Variants in SNX29 observed in about 807,000 individuals in gnomAD.
SNX29 encodes sorting nexin-29.
SNX29 carries 78 observed loss-of-function variants against 102.1 expected under a neutral mutation model. The observed-to-expected ratio is 0.76, with a 90% CI of 0.64 to 0.92. The LOEUF is 0.92. SNX29 is among the 40% of genes least tolerant of loss of function. SNX29 has a pLI of 0.00. For missense variants in SNX29, 1,280 were observed against 1,061.7 expected (o/e 1.21, Z -2.86); for synonymous variants, 580 against 414.5 (o/e 1.40, Z -4.85).
Position 12,209,184 on chromosome 16 carries a change from TA to T in SNX29, c.1678+9504del, listed in dbSNP as rs2077120777. Among the ~76,000 whole-genome samples the T allele has an allele frequency of 5.9e-5, 9 of 151,440 alleles. No individual in the cohort carries two copies. The South Asian group carries it at 1.9e-3, about 32-fold the overall frequency. ...GTGAAACTCACGGGTTGCAGGGGGG[TA>T]AAGTATAATGTCCTAACTCTGTGAC... On this transcript the variant is annotated intron_variant, in intron 14 of 20. Transcript: ENST00000566228.
chr16:12,129,470 T>G (rs987113766), intron 12 of SNX29, among the ~76,000 whole-genome samples, 160 bp from the exon 13 acceptor site: 1 of 152,246 alleles, frequency 6.6e-6, no homozygotes, highest in Admixed American at 6.5e-5. Flanking sequence ...AATTAGAGTT[T>G]GCTATCTCCA....
chr16:12,479,611 C>T (rs1303030361), intron 19 of SNX29, among the ~76,000 whole-genome samples: 2 of 152,226 alleles, frequency 1.3e-5, no homozygotes, highest in East Asian at 1.9e-4. Context: ...GCAAAGAGTA[C>T]AAGAATTCTT....
At position 12,545,363 on chromosome 16, in the gene SNX29, C is replaced by G. The variant is rs80030681; in HGVS notation, c.2318+20522C>G. On this transcript the variant is annotated intron_variant, in intron 20 of 20. Transcript: ENST00000566228. ...ATAGTTCCAAGTACATACAGAGTGA[C>G]AACCCATTGTCACACAATAGGTGTA... 2.6e-5 allele frequency: 4 copies of G among 152,174 alleles called. No individual in the cohort carries two copies. The East Asian group carries it at 5.8e-4, about 22-fold the overall frequency. 9.4% of individuals were successfully genotyped at this position (152,174 alleles called of 1,614,324 possible).
In SNX29 at chr16:12,288,346, C is replaced by A. The variant is rs969763406; in HGVS notation, c.1782+10310C>A. 2.0e-5 allele frequency among the ~76,000 whole-genome samples: 3 copies of A among 152,030 alleles called. No individual in the cohort carries two copies. The South Asian group carries it at 6.2e-4, about 31-fold the overall frequency. On this transcript the variant is annotated intron_variant, in intron 15 of 20. Coordinates refer to ENST00000566228, the MANE Select transcript of SNX29 (RefSeq NM_032167.5). Reference sequence around the variant, plus strand: ...AATGACTCAAAAGTTAATACTTCCTCTCTAGAAATTTCTGCATAAACGACC... The same window carrying A: ...AATGACTCAAAAGTTAATACTTCCTATCTAGAAATTTCTGCATAAACGACC...
intron 20 of SNX29, among the ~76,000 whole-genome samples, chr16:12,566,344 C>T (rs1223354081): frequency 1.3e-5 from 2 of 152,192 alleles, no homozygotes; most frequent in Non-Finnish European, 2.9e-5. Context: ...ACAGTCACCC[C>T]ACCGACTGCT....
At chr16:12,403,992 A>G (rs2084065030) in intron 18 of SNX29, among the ~76,000 whole-genome samples, 2 of 152,112 alleles carry the variant, frequency 1.3e-5, no homozygotes, top group African/African-American at 4.8e-5. Flanking sequence ...GGCGGGTCTC[A>G]CTGGTGTGTC....
intron 14 of SNX29, among the ~76,000 whole-genome samples, chr16:12,266,649 C>T (rs928337461): frequency 1.4e-5 from 2 of 146,824 alleles, no homozygotes; most frequent in African/African-American, 5.1e-5. Context: ...TGTCTCTGCC[C>T]ACACTACTGA....
intron 15 of SNX29, among the ~76,000 whole-genome samples, chr16:12,314,456 G>A (rs183171208): frequency 2.0e-5 from 3 of 152,236 alleles, no homozygotes; most frequent in Non-Finnish European, 2.9e-5. Flanking sequence ...CTTCCTAGCC[G>A]TGTGGCCTCA....
At chr16:12,408,451 G>A (rs543420841) in intron 18 of SNX29, among the ~76,000 whole-genome samples, 84 of 152,384 alleles carry the variant, frequency 5.5e-4, no homozygotes, top group African/African-American at 1.3e-3. Context: ...AATAACTTCT[G>A]TGGCCGTCCA....
intron 19 of SNX29, among the ~76,000 whole-genome samples, chr16:12,481,390 A>ATG (rs1193404730): frequency 1.4e-5 from 2 of 147,842 alleles, no homozygotes; most frequent in East Asian, 4.0e-4. Flanking sequence ...ACATATATAT[A>ATG]TATATACACA....
rs975322702 is a variant in SNX29 at position 12,570,038 on chromosome 16, C to G, written c.*1409C>G. 11 of 442,148 alleles carry G rather than the reference C, an allele frequency of 2.5e-5. No homozygotes were observed. Among genetic ancestry groups the G allele is most frequent in the African/African-American group, 4.1e-5 (2 of 49,014 alleles). 27.4% of individuals were successfully genotyped at this position (442,148 alleles called of 1,614,324 possible). A position where few individuals can be genotyped will look rare whatever the true frequency, so the allele number is the denominator to read the frequency against. ...CTGCCCAGGTGAGCATGGAGCATCT[C>G]CTAGGCTCGAGGACATCTCTGGAGA... On this transcript the variant is annotated 3_prime_UTR_variant, in exon 21 of 21. Coordinates refer to ENST00000566228, the MANE Select transcript of SNX29 (RefSeq NM_032167.5).
chr16:12,541,461 C>G (rs1005339313), intron 20 of SNX29, among the ~76,000 whole-genome samples: 13 of 152,166 alleles, frequency 8.5e-5, no homozygotes, highest in African/African-American at 3.1e-4. Flanking sequence ...ACGCTTAGTG[C>G]TTGATGGAGC....
Position 12,574,048 on chromosome 16 carries a change from TG to T in SNX29, c.*5420del, listed in dbSNP as rs1427990367. 7 of 195,424 alleles carry T rather than the reference TG, an allele frequency of 3.6e-5. No homozygotes were observed. The highest frequency in any genetic ancestry group is 9.2e-5 in the African/African-American group (4 of 43,250). The allele number at this position is 195,424 out of a possible 1,614,324, so 12.1% of individuals were successfully genotyped here. On this transcript the variant is annotated 3_prime_UTR_variant, in exon 21 of 21. Transcript: ENST00000566228. ...CATATCTAGAGTCTGATAGTCTGTG[TG>T]TACATAAGGTCTAGAAGTCTGTGGA...
chr16:12,318,372 G>A (rs757387536), intron 15 of SNX29, among the ~76,000 whole-genome samples: 11 of 152,168 alleles, frequency 7.2e-5, no homozygotes, highest in African/African-American at 1.2e-4. Context: ...CTGATGCATC[G>A]TTTGCCGGAT....
intron 14 of SNX29, among the ~76,000 whole-genome samples, chr16:12,259,159 C>A (rs951031585): frequency 2.3e-4 from 35 of 152,154 alleles, no homozygotes; most frequent in African/African-American, 7.5e-4. Context: ...ACATCATCTC[C>A]GTGGGCTTTT....
At chr16:12,010,780 T>G (rs2056622480) in intron 3 of SNX29, among the ~76,000 whole-genome samples, 3 of 152,120 alleles carry the variant, frequency 2.0e-5, no homozygotes, top group South Asian at 4.1e-4. Flanking sequence ...TTTGAGGAAT[T>G]AGAATCAGTT....
chr16:12,097,377 C>G (rs564675130), intron 11 of SNX29, among the ~76,000 whole-genome samples: 3 of 152,184 alleles, frequency 2.0e-5, no homozygotes, highest in Non-Finnish European at 4.4e-5. Flanking sequence ...CTGCACCAAG[C>G]CAGAGGGCAT....
At chr16:12,132,262 C>G (rs1374850033) in intron 13 of SNX29, among the ~76,000 whole-genome samples, 1 of 152,098 alleles carries the variant, frequency 6.6e-6, no homozygotes, top group African/African-American at 2.4e-5. Flanking sequence ...CTATGCCCGG[C>G]TAATTTTTTA....
chr16:12,042,939 A>T lies in SNX29; in HGVS notation c.290A>T (p.His97Leu). 1.2e-6 allele frequency: 2 copies of T among 1,613,610 alleles called. No individual in the cohort carries two copies. Among genetic ancestry groups the T allele is most frequent in the Non-Finnish European group, 1.7e-6 (2 of 1,179,648 alleles). ...WYYVKEVLNKHELQRFYSLRH... is the reference protein window; with the variant it reads ...WYYVKEVLNKLELQRFYSLRH... ...TACGTGAAGGAGGTCCTCAACAAGC[A>T]CGAGCTGCAGCGCTTCTACTCCCTG... is the stretch of plus-strand genomic sequence containing the variant. The change falls in exon 5 of 21, where the codon CAC becomes CTC. Residue 97 changes from histidine (H) to leucine (L), a missense_variant. Coordinates refer to ENST00000566228, the MANE Select transcript of SNX29 (RefSeq NM_032167.5).
Sources: gnomAD v4.1 joint callset for allele counts (sites outside exome capture counted in the v4.1 genomes callset) on GRCh38, gnomAD v4.1.1 for gene constraint, MANE v1.5 for transcripts, NCBI Gene and HGNC (gene_info 2026-07-23, HGNC 2026-07-21) for gene names.